APC: variants seen among roughly 807,000 people sequenced by gnomAD.
APC encodes the protein adenomatous polyposis coli protein.
Under a neutral mutation model 247.0 loss-of-function variants are expected in APC, and 72 were observed. The ratio of observed to expected loss-of-function variants is 0.29; its 90% CI spans 0.24 to 0.35. The LOEUF is 0.35. Among genes scored for constraint, APC ranks in the 10% least tolerant of loss-of-function variants. The pLI is 1.00. For synonymous variants in APC, 1,254 were observed against 1,162.5 expected (o/e 1.08, Z -1.60); for missense variants, 3,400 against 3,360.7 (o/e 1.01, Z -0.29).
chr5:112,761,629 A>G (rs926048074), intron 2 of APC, among the ~76,000 whole-genome samples: 4 of 152,202 alleles, frequency 2.6e-5, no homozygotes, highest in African/African-American at 9.7e-5. Flanking sequence ...CAAAAAAGAC[A>G]AAACAATGGC....
In APC at chr5:112,845,693, G is replaced by A. The variant is rs1362450936; in HGVS notation, c.*1567G>A. 2.6e-5 allele frequency: 6 copies of A among 232,158 alleles called. No individual in the cohort carries two copies. In the East Asian group the frequency reaches 3.7e-4, roughly 14 times the overall value. 14.4% of individuals were successfully genotyped at this position (232,158 alleles called of 1,614,324 possible). On this transcript the variant is annotated 3_prime_UTR_variant, in exon 16 of 16. Transcript: ENST00000257430. The stretch of plus-strand genomic sequence containing the variant: ...ATGTTAAGTGTCCCCTTATACAGTG[G>A]AGGGAAGTCTTCCTTCCTGAAGGAA...
At chr5:112,708,832 C>A (rs1750684977) in intron 1 of APC, among the ~76,000 whole-genome samples, 1 of 152,190 alleles carries the variant, frequency 6.6e-6, no homozygotes, top group Non-Finnish European at 1.5e-5. Context: ...ATGATTTAGT[C>A]TTGTGCCAGT....
intron 1 of APC, among the ~76,000 whole-genome samples, chr5:112,739,021 T>G (rs554542278): frequency 6.6e-6 from 1 of 152,338 alleles, no homozygotes; most frequent in South Asian, 2.1e-4. Flanking sequence ...AAAATTATGG[T>G]GAACAAATTT....
At chr5:112,740,535 T>C (rs1257199030) in intron 1 of APC, among the ~76,000 whole-genome samples, 2 of 147,082 alleles carry the variant, frequency 1.4e-5, no homozygotes, top group African/African-American at 2.5e-5. Flanking sequence ...TTTTTTTTTT[T>C]TTTTTTTTGA....
rs1561603616 is a variant in APC, at chr5:112,841,502, A to C, written c.5908A>C (p.Ser1970Arg). 1 of 1,613,624 alleles carries C rather than the reference A, an allele frequency of 6.2e-7. No homozygotes were observed. Among genetic ancestry groups the C allele is most frequent in the Non-Finnish European group, 8.5e-7 (1 of 1,179,524 alleles). The part of the protein sequence containing the change: ...PVCFSHNSSL[S>R]SLSDIDQENN... Reference sequence around the variant, plus strand: ...TTGCTTTTCTCATAATTCCTCTCTGAGTTCTCTCAGTGACATTGACCAAGA... The same window carrying C: ...TTGCTTTTCTCATAATTCCTCTCTGCGTTCTCTCAGTGACATTGACCAAGA... The change falls in exon 16 of 16, where the codon AGT becomes CGT. Residue 1970 changes from serine to arginine, a missense_variant. By Grantham distance (110) the Ser-to-Arg change is moderately radical. Coordinates refer to ENST00000257430, the MANE Select transcript of APC (RefSeq NM_000038.6). The surrounding 1 kb of genome is among the most constrained non-coding windows in gnomAD (Gnocchi z 4.6).
Position 112,838,687 on chromosome 5 carries a change from T to C in APC, c.3093T>C (p.Tyr1031=), listed in dbSNP as rs2149884161. The change falls in exon 16 of 16, where the codon TAT becomes TAC. Residue 1031 remains tyrosine, a synonymous_variant. Coordinates refer to ENST00000257430, the MANE Select transcript of APC (RefSeq NM_000038.6). ...CACCAATAAATTATAGTCTTAAATA[T>C]TCAGATGAGCAGTTGAACTCTGGAA... is the stretch of plus-strand genomic sequence containing the variant. ...LDTPINYSLK[Y]SDEQLNSGRQ... The C allele has an allele frequency of 6.2e-7, 1 of 1,614,128 alleles. No individual in the cohort carries two copies.
rs1266761057 is a variant in APC at position 112,845,437 on chromosome 5, C to T, written c.*1311C>T. On this transcript the variant is annotated 3_prime_UTR_variant, in exon 16 of 16. Coordinates refer to ENST00000257430, the MANE Select transcript of APC (RefSeq NM_000038.6). ...GGCTTTACAGTGTAAACTGTCTTGC[C>T]CCTTCATCTTCTTGTTGCAACTGGG... 2 of 232,964 alleles carry T rather than the reference C, an allele frequency of 8.6e-6. No individual in the cohort carries two copies. Among genetic ancestry groups the T allele is most frequent in the African/African-American group, 2.2e-5 (1 of 45,224 alleles). The allele number at this position is 232,964 out of a possible 1,614,324, so 14.4% of individuals were successfully genotyped here.
rs1580564307 is a variant in APC, at chr5:112,827,119, G to A, written c.1420G>A (p.Ala474Thr). 1.9e-6 allele frequency: 3 copies of A among 1,613,632 alleles called. No individual in the cohort carries two copies. Among genetic ancestry groups the A allele is most frequent in the Non-Finnish European group, 2.5e-6 (3 of 1,179,812 alleles). Residue 474 changes from alanine (A) to threonine (T), a missense_variant, in exon 12 of 16, where the codon GCC becomes ACC. Ala to Thr is a moderately conservative substitution (Grantham distance 58). Transcript: ENST00000257430. ...CCTTTTTAAATTAGGGGGACTACAG[G>A]CCATTGCAGAATTATTGCAAGTGGA... is the stretch of plus-strand genomic sequence containing the variant. The part of the protein sequence containing the change: ...HAMNELGGLQ[A>T]IAELLQVDCE...
chr5:112,819,153 G>C lies in APC; in HGVS notation c.1121G>C (p.Arg374Pro), dbSNP rs141582813. 6.2e-7 allele frequency: 1 copy of C among 1,613,976 alleles called. No homozygotes were observed. Among genetic ancestry groups the C allele is most frequent in the Non-Finnish European group, 8.5e-7 (1 of 1,179,984 alleles). ...DKDSVLLGNSRGSKEARARAS... is the reference protein window; with the variant it reads ...DKDSVLLGNSPGSKEARARAS... ...GACTCTGTATTGTTGGGAAATTCCC[G>C]GGGCAGTAAAGAGGCTCGGGCCAGG... Residue 374 changes from arginine (R) to proline (P), a missense_variant, in exon 10 of 16, where the codon CGG (arginine) becomes CCG (proline). Transcript: ENST00000257430.
chr5:112,776,009 G>C (rs1757607362), intron 5 of APC, among the ~76,000 whole-genome samples: 1 of 152,112 alleles, frequency 6.6e-6, no homozygotes, highest in African/African-American at 2.4e-5. Context: ...GGTTCAACTA[G>C]GCAACTAGTT....
intron 13 of APC, 87 bp downstream of exon 13, chr5:112,828,093 T>C: frequency 9.2e-7 from 1 of 1,092,648 alleles, no homozygotes. Flanking sequence ...TAGAGGGCAG[T>C]TGTGCAATCT....
chr5:112,826,778 G>A (rs1474494573), intron 11 of APC, among the ~76,000 whole-genome samples: 2 of 151,892 alleles, frequency 1.3e-5, no homozygotes, highest in Non-Finnish European at 2.9e-5. Flanking sequence ...TTATGTTCAC[G>A]AAGAACTAGT....
At chr5:112,716,558 G>T (rs927846672) in intron 1 of APC, among the ~76,000 whole-genome samples, 1 of 151,496 alleles carries the variant, frequency 6.6e-6, no homozygotes, top group African/African-American at 2.4e-5. Context: ...TTTTTTATTA[G>T]GTCATATTTG....
At chr5:112,766,113 G>A (rs1756278362) in intron 2 of APC, among the ~76,000 whole-genome samples, 1 of 152,090 alleles carries the variant, frequency 6.6e-6, no homozygotes. Context: ...CTTGCACAGA[G>A]ACTCCCCATA....
intron 1 of APC, among the ~76,000 whole-genome samples, chr5:112,723,728 A>G (rs1751611289): frequency 6.6e-6 from 1 of 152,236 alleles, no homozygotes; most frequent in Non-Finnish European, 1.5e-5. Context: ...GTAACATTGA[A>G]TAATGCTATT....
chr5:112,790,181 A>G (rs1759414215), intron 6 of APC, among the ~76,000 whole-genome samples: 1 of 151,898 alleles, frequency 6.6e-6, no homozygotes, highest in Non-Finnish European at 1.5e-5. Flanking sequence ...TTTTACCTTA[A>G]GTTTACTACT....
chr5:112,821,214 T>G (rs551536040), intron 10 of APC, among the ~76,000 whole-genome samples: 3 of 152,018 alleles, frequency 2.0e-5, no homozygotes, highest in African/African-American at 7.2e-5. Context: ...TAAATAGAAA[T>G]TATAAACTGG....
In APC at chr5:112,707,679, T is replaced by C. The variant is rs1466692709; in HGVS notation, c.-39T>C. ...TGTTGTTGGCTGTTGGTGAGGAAGG[T>C]GAAGCACTCAGTTGCCTTCTCGGGC... is the stretch of plus-strand genomic sequence containing the variant. On this transcript the variant is annotated 5_prime_UTR_variant, in exon 1 of 14. Coordinates refer to the APC transcript ENST00000507379. The C allele has an allele frequency of 7.3e-7, 1 of 1,370,302 alleles. No homozygotes were observed. The highest frequency in any genetic ancestry group is 9.6e-7 in the Non-Finnish European group (1 of 1,038,626). 84.9% of individuals were successfully genotyped at this position (1,370,302 alleles called of 1,614,324 possible). A position where few individuals can be genotyped will look rare whatever the true frequency, so the allele number is the denominator to read the frequency against.
At chr5:112,759,715 A>G (rs948704462) in intron 2 of APC, among the ~76,000 whole-genome samples, 1 of 152,354 alleles carries the variant, frequency 6.6e-6, no homozygotes, top group Admixed American at 6.5e-5. Context: ...ATGTGTGATT[A>G]TATAGTGTAA....
Sources: gnomAD v4.1 joint callset for allele counts (sites outside exome capture counted in the v4.1 genomes callset) on GRCh38, gnomAD v4.1.1 for gene constraint, Gnocchi (gnomAD v3.1) non-coding constraint, MANE v1.5 for transcripts, NCBI Gene and HGNC (gene_info 2026-07-23, HGNC 2026-07-21) for gene names.